The following PCLO variants were observed in gnomAD, a reference collection of about 807,000 sequenced individuals.
PCLO encodes piccolo presynaptic cytomatrix protein.
A neutral mutation model predicts 427.5 loss-of-function variants in PCLO; 82 were observed. That is an observed-to-expected ratio of 0.19 (90% CI 0.16 to 0.23). The LOEUF is 0.23. Among genes scored for constraint, PCLO ranks in the 10% least tolerant of loss-of-function variants. The pLI is 1.00. For synonymous variants in PCLO, 2,357 were observed against 2,155.4 expected, an observed-to-expected ratio of 1.09 and a Z score of -2.59; for missense variants, 6,239 against 6,115.9, an observed-to-expected ratio of 1.02 and a Z score of -0.67.
At chr7:82,811,083 T>C (rs537211767) in intron 20 of PCLO, among the ~76,000 whole-genome samples, 4 of 151,796 alleles carry the variant, frequency 2.6e-5, no homozygotes, top group African/African-American at 9.6e-5. Context: ...TAATTTATTA[T>C]GTAGGTAGCT....
At chr7:82,771,830 A>G (rs1166487279) in intron 22 of PCLO, among the ~76,000 whole-genome samples, 4 of 152,214 alleles carry the variant, frequency 2.6e-5, no homozygotes, top group East Asian at 1.9e-4. Flanking sequence ...AAAGTGGGGA[A>G]CTGGGGACCC....
intron 3 of PCLO, among the ~76,000 whole-genome samples, chr7:83,060,595 T>G (rs749139385): frequency 6.6e-6 from 1 of 152,098 alleles, no homozygotes; most frequent in Non-Finnish European, 1.5e-5. Flanking sequence ...CCTCTAAATT[T>G]AACTTTCTTA....
chr7:83,090,536 C>G (rs1307746073), intron 3 of PCLO, among the ~76,000 whole-genome samples: 1 of 152,120 alleles, frequency 6.6e-6, no homozygotes, highest in Non-Finnish European at 1.5e-5. Context: ...AATTGTGACA[C>G]TTAAACTCTG....
chr7:83,082,324 G>A (rs1790122836), intron 3 of PCLO, among the ~76,000 whole-genome samples: 1 of 151,512 alleles, frequency 6.6e-6, no homozygotes, highest in Non-Finnish European at 1.5e-5. Flanking sequence ...TATATTAAAA[G>A]AAAAGCTAAA....
chr7:82,798,464 CAAACA>C (rs1450445498), intron 22 of PCLO, among the ~76,000 whole-genome samples: 7 of 152,244 alleles, frequency 4.6e-5, no homozygotes, highest in African/African-American at 1.7e-4. Context: ...TCACTCAAAA[CAAACA>C]AAACACTGAT....
chr7:83,034,206 T>C (rs2116162894), intron 3 of PCLO, among the ~76,000 whole-genome samples: 1 of 152,288 alleles, frequency 6.6e-6, no homozygotes, highest in African/African-American at 2.4e-5. Context: ...CTTTTATTCC[T>C]TTTTTGTTTT....
intron 22 of PCLO, among the ~76,000 whole-genome samples, chr7:82,778,381 G>A (rs1457508161): frequency 2.0e-5 from 3 of 152,098 alleles, no homozygotes; most frequent in Non-Finnish European, 2.9e-5. Flanking sequence ...CCTTAAAACA[G>A]AACTATCATT....
chr7:82,983,493 A>G (rs1176683175), intron 3 of PCLO, among the ~76,000 whole-genome samples: 1 of 150,836 alleles, frequency 6.6e-6, no homozygotes, highest in Non-Finnish European at 1.5e-5. Context: ...GAAATTTGGG[A>G]AAAGGAATGT....
chr7:83,043,994 A>C (rs1789041110), intron 3 of PCLO, among the ~76,000 whole-genome samples: 1 of 144,294 alleles, frequency 6.9e-6, no homozygotes, highest in Admixed American at 7.6e-5. Context: ...CACTGCTATA[A>C]AATACTACCT....
chr7:82,904,153 G>A (rs1794124743), intron 8 of PCLO, among the ~76,000 whole-genome samples: 1 of 151,912 alleles, frequency 6.6e-6, no homozygotes, highest in Admixed American at 6.6e-5. Flanking sequence ...AGTCAATTCA[G>A]ATAATTCATA....
intron 13 of PCLO, among the ~76,000 whole-genome samples, chr7:82,844,609 A>G (rs1792452440): frequency 6.6e-6 from 1 of 152,126 alleles, no homozygotes; most frequent in East Asian, 1.9e-4. Context: ...GCATGTATTT[A>G]TCAACTACAG....
intron 22 of PCLO, among the ~76,000 whole-genome samples, chr7:82,784,209 G>A (rs145596505): frequency 4.6e-5 from 7 of 152,150 alleles, no homozygotes; most frequent in African/African-American, 1.7e-4. Flanking sequence ...ACACCATGTT[G>A]TGAGAGTTCT....
chr7:83,145,589 A>T (rs1791974145), intron 2 of PCLO, among the ~76,000 whole-genome samples: 1 of 152,168 alleles, frequency 6.6e-6, no homozygotes, highest in Admixed American at 6.5e-5. Context: ...AGTCATTTAA[A>T]TTCTTAACCC....
chr7:83,004,244 T>C (rs1787892600), intron 3 of PCLO, among the ~76,000 whole-genome samples: 1 of 151,764 alleles, frequency 6.6e-6, no homozygotes, highest in South Asian at 2.1e-4. Context: ...ATCATACTTC[T>C]TGATTTCAAA....
At chr7:83,043,912 C>G (rs201281247) in intron 3 of PCLO, among the ~76,000 whole-genome samples, 4 of 94,910 alleles carry the variant, frequency 4.2e-5, no homozygotes, top group East Asian at 4.2e-4. Flanking sequence ...CTATTATTTT[C>G]TTTTTTTTTT....
chr7:83,161,492 T>C (rs566505584), intron 1 of PCLO, among the ~76,000 whole-genome samples: 45 of 152,310 alleles, frequency 3.0e-4, no homozygotes, highest in Non-Finnish European at 4.7e-4. Flanking sequence ...AACTAATCTA[T>C]TGGGATGAAG....
intron 22 of PCLO, among the ~76,000 whole-genome samples, chr7:82,797,137 A>G (rs1358098235): frequency 5.3e-5 from 8 of 152,068 alleles, no homozygotes. Context: ...TGTTCTGGAA[A>G]CTGAATTTCC....
rs918867196 is a variant in PCLO, at chr7:82,955,343, A to G, written c.5610T>C (p.Phe1870=). Residue 1870 remains phenylalanine (F), a synonymous_variant, in exon 5 of 25, where the codon TTT becomes TTC. Transcript: ENST00000333891. ...SPSIESDPEG[F]EISPEKIIEV... ...CTATTATTTTTTCCGGGCTTATTTC[A>G]AAACCTTCTGGGTCTGACTCTATGC... The G allele has an allele frequency of 6.2e-7, 1 of 1,613,732 alleles. No individual in the cohort carries two copies. Among genetic ancestry groups the G allele is most frequent in the Admixed American group, 1.7e-5 (1 of 59,986 alleles).
chr7:82,997,498 T>C (rs1787655586), intron 3 of PCLO, among the ~76,000 whole-genome samples: 1 of 152,058 alleles, frequency 6.6e-6, no homozygotes, highest in African/African-American at 2.4e-5. Context: ...CAACAAGCTA[T>C]AGTAACTGAT....
Sources: gnomAD v4.1 joint callset for allele counts (sites outside exome capture counted in the v4.1 genomes callset) on GRCh38, gnomAD v4.1.1 for gene constraint, MANE v1.5 for transcripts, NCBI Gene and HGNC (gene_info 2026-07-23, HGNC 2026-07-21) for gene names.